The following SLC34A1 variants were observed in gnomAD, a reference collection of about 807,000 sequenced individuals.
SLC34A1 encodes the protein solute carrier family 34 member 1, also known as sodium-dependent phosphate transport protein 2A.
In SLC34A1, 57 loss-of-function variants were observed where a neutral mutation model predicts 51.4. The observed-to-expected ratio is 1.11, with a 90% CI of 0.90 to 1.38. The LOEUF is 1.38. Ranked by LOEUF, SLC34A1 falls within the 40% of genes most tolerant of loss-of-function variation. SLC34A1 has a pLI of 0.00. For missense variants in SLC34A1, 796 were observed against 835.6 expected (o/e 0.95, Z 0.58); for synonymous variants, 368 against 358.0 (o/e 1.03, Z -0.32).
intron 8 of SLC34A1, chr5:177,389,770 A>T: frequency 6.5e-7 from 1 of 1,536,846 alleles, no homozygotes; most frequent in South Asian, 1.2e-5. Flanking sequence ...GATCTCAACC[A>T]GCAGCCTCCA....
intron 8 of SLC34A1, chr5:177,389,584 C>G (rs763864116): frequency 1.5e-5 from 23 of 1,534,944 alleles, no homozygotes; most frequent in Non-Finnish European, 1.8e-5. Context: ...TTCTCACGAG[C>G]TCTCTGAGCA....
chr5:177,397,789 CT>C lies in SLC34A1; in HGVS notation c.1424del (p.Leu475ProfsTer68). 1 of 1,609,586 alleles carries C rather than the reference CT, an allele frequency of 6.2e-7. No individual in the cohort carries two copies. Among genetic ancestry groups the C allele is most frequent in the South Asian group, 1.1e-5 (1 of 91,066 alleles). ...EKLSSAFQIA[L>X]CHFFFNISGI... ...TCTGCCTCATCCCCTGCAGATTGCC[CT>C]CTGTCACTTCTTCTTCAACATCTCG... On this transcript the variant is annotated frameshift_variant, in exon 13 of 13. Coordinates refer to ENST00000324417, the MANE Select transcript of SLC34A1 (RefSeq NM_003052.5). LOFTEE classifies it high-confidence loss of function.
At chr5:177,395,925 T>C (rs974878772) in intron 10 of SLC34A1, among the ~76,000 whole-genome samples, 1 of 152,198 alleles carries the variant, frequency 6.6e-6, no homozygotes, top group Non-Finnish European at 1.5e-5. Context: ...TGAGCCACCA[T>C]GCCCAGCCTC....
chr5:177,395,300 C>T (rs1021300983), intron 10 of SLC34A1, among the ~76,000 whole-genome samples: 1 of 152,158 alleles, frequency 6.6e-6, no homozygotes, highest in Admixed American at 6.6e-5. Flanking sequence ...GTGGAAGAGA[C>T]GGTTTCCAAT....
chr5:177,390,057 A>C, intron 8 of SLC34A1: 1 of 1,188,934 alleles, frequency 8.4e-7, no homozygotes, highest in Non-Finnish European at 1.0e-6. Context: ...TGGTCTTGCA[A>C]AGTGTGAAGT....
Position 177,396,851 on chromosome 5 carries a change from T to C in SLC34A1, c.1291+2T>C, listed in dbSNP as rs1267773106. 2 of 1,614,026 alleles carry C rather than the reference T, an allele frequency of 1.2e-6. No homozygotes were observed. Among genetic ancestry groups the C allele is most frequent in the East Asian group, 2.2e-5 (1 of 44,884 alleles). ...CCTCGGCCATCACCCCACTCATCGG[T>C]GAGTGCCCATGTAGAGGTGGAGTGG... On this transcript the variant is annotated splice_donor_variant, in intron 11 of 12. Transcript: ENST00000324417. LOFTEE classifies it high-confidence loss of function. The surrounding 1 kb of genome is among the most constrained non-coding windows in gnomAD (Gnocchi z 4.0).
At chr5:177,387,599 C>T (rs923941019) in intron 5 of SLC34A1, among the ~76,000 whole-genome samples, 163 bp from the exon 6 acceptor site, 1 of 152,252 alleles carries the variant, frequency 6.6e-6, no homozygotes, top group African/African-American at 2.4e-5. Flanking sequence ...AAACGCACAG[C>T]CCGTGCCCAC....
chr5:177,387,835 G>A lies in SLC34A1; in HGVS notation c.606G>A (p.Val202=), dbSNP rs377525057. ...GCACCTCTGTCACCAACACCATCGT[G>A]GCCCTGATGCAGGCGGGGGACAGGA... ...NIGTSVTNTI[V]ALMQAGDRTD... is the part of the protein sequence containing the mutation. The change falls in exon 6 of 13, where the codon GTG becomes GTA. Residue 202 remains valine, a synonymous_variant. Coordinates refer to ENST00000324417, the MANE Select transcript of SLC34A1 (RefSeq NM_003052.5). 7.4e-6 allele frequency: 12 copies of A among 1,613,604 alleles called. No homozygotes were observed. In the African/African-American group the frequency reaches 1.5e-4, roughly 20 times the overall value.
rs1364012682 is a variant in SLC34A1 at position 177,385,851 on chromosome 5, G to A, written c.109+1G>A. On this transcript the variant is annotated splice_donor_variant, in intron 2 of 12. Transcript: ENST00000324417. LOFTEE classifies it high-confidence loss of function. Reference sequence around the variant, plus strand: ...TTTGCCTACGTGCCCAGCCCTCAGGGTAAGTGCTGCTCCCACACCCTGGAC... The same window carrying A: ...TTTGCCTACGTGCCCAGCCCTCAGGATAAGTGCTGCTCCCACACCCTGGAC... The A allele has an allele frequency of 3.1e-6, 5 of 1,613,424 alleles. No homozygotes were observed. The Admixed American group carries it at 5.0e-5, about 16-fold the overall frequency.
At chr5:177,393,227 C>T (rs550099123) in intron 8 of SLC34A1, among the ~76,000 whole-genome samples, 1 of 152,176 alleles carries the variant, frequency 6.6e-6, no homozygotes, top group South Asian at 2.1e-4. Flanking sequence ...CCTTACACCC[C>T]CTGAGGATAA....
chr5:177,396,504 C>T lies in SLC34A1; in HGVS notation c.1175-229C>T, dbSNP rs558737015. Among the ~76,000 whole-genome samples, 2 of 128,442 alleles carry T rather than the reference C, an allele frequency of 1.6e-5. No individual in the cohort carries two copies. The highest frequency in any genetic ancestry group is 2.6e-5 in the African/African-American group (1 of 38,160). 84.3% of individuals were successfully genotyped at this position (128,442 alleles called of 152,430 possible). On this transcript the variant is annotated intron_variant, in intron 10 of 12. Coordinates refer to ENST00000324417, the MANE Select transcript of SLC34A1 (RefSeq NM_003052.5). This position sits in a 1 kb window ranked among gnomAD's most constrained non-coding sequence, Gnocchi z 4.0. The stretch of plus-strand genomic sequence containing the variant: ...CGGAGGTCCTCTCTCCCAGTGCCCC[C>T]GCGGAGGTCCTCTCTCCCAGTGCCC...
At position 177,398,415 on chromosome 5, in the gene SLC34A1, G is replaced by A. The variant is rs1243147010; in HGVS notation, c.*129G>A. ...TGCCAGTCTCTCCTTCTGTAGCTCCGCAAAGCTCTGGGCTTGTGTGAGAGT... is the reference window on the plus strand; with the variant it reads ...TGCCAGTCTCTCCTTCTGTAGCTCCACAAAGCTCTGGGCTTGTGTGAGAGT... On this transcript the variant is annotated 3_prime_UTR_variant, in exon 13 of 13. Transcript: ENST00000324417. The surrounding 1 kb of genome is among the most constrained non-coding windows in gnomAD (Gnocchi z 4.7). The A allele has an allele frequency of 3.6e-5, 39 of 1,073,802 alleles. No individual in the cohort carries two copies. The highest frequency in any genetic ancestry group is 2.8e-4 in the Middle Eastern group (1 of 3,536). 66.5% of individuals were successfully genotyped at this position (1,073,802 alleles called of 1,614,324 possible).
Position 177,386,463 on chromosome 5 carries a change from G to A in SLC34A1, c.429G>A (p.Leu143=), listed in dbSNP as rs1390468964. ...ACATCTTCAAGGATAACGCCATCCT[G>A]TCCAACCCGGTGGCCGGGCTGGTGG... ...AGDIFKDNAI[L]SNPVAGLVVG... Residue 143 remains leucine, a synonymous_variant, in exon 5 of 13, where the codon CTG becomes CTA. Coordinates refer to ENST00000324417, the MANE Select transcript of SLC34A1 (RefSeq NM_003052.5). This position sits in a 1 kb window ranked among gnomAD's most constrained non-coding sequence, Gnocchi z 4.8. 3 of 1,614,206 alleles carry A rather than the reference G, an allele frequency of 1.9e-6. No homozygotes were observed. The highest frequency in any genetic ancestry group is 2.5e-6 in the Non-Finnish European group (3 of 1,180,032).
intron 1 of SLC34A1, among the ~76,000 whole-genome samples, chr5:177,384,774 A>C (rs1762500322): frequency 6.6e-6 from 1 of 151,700 alleles, no homozygotes; most frequent in Non-Finnish European, 1.5e-5. Flanking sequence ...AGGCAGGAGA[A>C]TCGCTTGAAC....
At position 177,393,793 on chromosome 5, in the gene SLC34A1, G is replaced by A. The variant is rs751566108; in HGVS notation, c.1006+30G>A. 3 of 1,610,140 alleles carry A rather than the reference G, an allele frequency of 1.9e-6. No homozygotes were observed. In the South Asian group the frequency reaches 3.3e-5, roughly 18 times the overall value. On this transcript the variant is annotated intron_variant, in intron 9 of 12. Transcript: ENST00000324417. ...GTGCCTGCAACATGGGAGGTGTCCT[G>A]CATGGCAGGGGCAGAGCCTAGCAGT...
At chr5:177,395,486 G>A (rs1490889870) in intron 10 of SLC34A1, among the ~76,000 whole-genome samples, 1 of 152,138 alleles carries the variant, frequency 6.6e-6, no homozygotes, top group Non-Finnish European at 1.5e-5. Context: ...GCAGGGTAAG[G>A]GATTGCCTGA....
rs144306414 is a variant in SLC34A1, at chr5:177,388,131, G to A, written c.782G>A (p.Arg261His). The change falls in exon 7 of 13, where the codon CGT becomes CAT. Residue 261 changes from arginine to histidine, a missense_variant. Coordinates refer to ENST00000324417, the MANE Select transcript of SLC34A1 (RefSeq NM_003052.5). This position sits in a 1 kb window ranked among gnomAD's most constrained non-coding sequence, Gnocchi z 4.3. Reference sequence around the variant, plus strand: ...GCCTCCTTCAACATCCATGGTGGCCGTGATGCTCCTGACCTGCTCAAGATC... The same window carrying A: ...GCCTCCTTCAACATCCATGGTGGCCATGATGCTCCTGACCTGCTCAAGATC... ...VVASFNIHGG[R>H]DAPDLLKIIT... 1.0e-3 allele frequency: 1,651 copies of A among 1,614,104 alleles called. No homozygotes were observed. Among genetic ancestry groups the A allele is most frequent in the Non-Finnish European group, 1.3e-3 (1,520 of 1,179,994 alleles).
At chr5:177,390,145 A>C in intron 8 of SLC34A1, 1 of 1,019,374 alleles carries the variant, frequency 9.8e-7, no homozygotes, top group African/African-American at 1.7e-5. Flanking sequence ...CATTGACGCC[A>C]ACTTTCACCA....
chr5:177,387,130 G>A (rs1422266142), intron 5 of SLC34A1, among the ~76,000 whole-genome samples: 4 of 151,918 alleles, frequency 2.6e-5, no homozygotes, highest in African/African-American at 9.7e-5. Flanking sequence ...CAGCACTTTG[G>A]GAGGCTGAGG....
Sources: allele counts gnomAD v4.1 joint callset (sites outside exome capture counted in the v4.1 genomes callset), GRCh38; gene constraint gnomAD v4.1.1; non-coding constraint Gnocchi (gnomAD v3.1); transcripts MANE v1.5; gene names NCBI Gene and HGNC (gene_info 2026-07-23, HGNC 2026-07-21).